Variants in KLHL1 observed in about 807,000 individuals in gnomAD.
The protein encoded by KLHL1 is kelch like family member 1, also known as kelch-like protein 1.
KLHL1 carries 47 observed loss-of-function variants against 77.7 expected under a neutral mutation model. The observed-to-expected ratio is 0.60, with a 90% confidence interval of 0.48 to 0.77. The LOEUF (loss-of-function observed/expected upper bound fraction) is 0.77, where lower values mean the gene tolerates loss of function less well. Among genes scored for constraint, KLHL1 ranks in the 30% least tolerant of loss-of-function variants. The pLI, the probability that KLHL1 is intolerant of heterozygous loss-of-function variation, is 0.00. For synonymous variants in KLHL1, 360 were observed against 325.2 expected (o/e 1.11, Z -1.15); for missense variants, 925 against 910.8 (o/e 1.02, Z -0.20).
At chr13:69,825,730 G>A (rs970740653) in intron 6 of KLHL1, among the ~76,000 whole-genome samples, 3 of 152,114 alleles carry the variant, frequency 2.0e-5, no homozygotes, top group Admixed American at 6.6e-5. Flanking sequence ...GGGCTGAGGT[G>A]ATAAAGTTTC....
intron 4 of KLHL1, among the ~76,000 whole-genome samples, chr13:69,928,109 G>C (rs1265156248): frequency 1.3e-5 from 2 of 152,194 alleles, no homozygotes; most frequent in Non-Finnish European, 2.9e-5. Context: ...TAGAATTTCA[G>C]ACATTAGAAT....
At chr13:69,817,529 T>C (rs1213908970) in intron 6 of KLHL1, among the ~76,000 whole-genome samples, 1 of 152,240 alleles carries the variant, frequency 6.6e-6, no homozygotes, top group Non-Finnish European at 1.5e-5. Flanking sequence ...CCACATTAGG[T>C]GACTTCTATT....
chr13:69,788,640 A>G (rs1876693826), intron 7 of KLHL1, among the ~76,000 whole-genome samples: 1 of 151,288 alleles, frequency 6.6e-6, no homozygotes. Context: ...GTGTACATGT[A>G]CCCTAAAACT....
At chr13:69,855,369 G>GATAC (rs879488731) in intron 5 of KLHL1, among the ~76,000 whole-genome samples, 2,626 of 120,414 alleles carry the variant, frequency 0.022, 56 homozygotes, top group Non-Finnish European at 0.029. Context: ...GATACATAGA[G>GATAC]AGATAGATCT....
chr13:69,970,883 T>C (rs1884363587), intron 2 of KLHL1, among the ~76,000 whole-genome samples: 1 of 152,144 alleles, frequency 6.6e-6, no homozygotes, highest in Non-Finnish European at 1.5e-5. Flanking sequence ...GCTTATGACA[T>C]CATCCTTCAA....
chr13:69,979,699 T>C (rs898546684), intron 1 of KLHL1, among the ~76,000 whole-genome samples: 20 of 152,300 alleles, frequency 1.3e-4, no homozygotes, highest in African/African-American at 4.8e-4. Context: ...CATTTGTCTT[T>C]ATTTTGGCCC....
chr13:70,061,569 C>G (rs1486966757), intron 1 of KLHL1, among the ~76,000 whole-genome samples: 1 of 152,096 alleles, frequency 6.6e-6, no homozygotes, highest in African/African-American at 2.4e-5. Context: ...AGCCTTAAGT[C>G]AGATTTTCTC....
intron 7 of KLHL1, among the ~76,000 whole-genome samples, chr13:69,780,731 T>TATAC (rs1555267679): frequency 5.0e-4 from 38 of 75,298 alleles, no homozygotes; most frequent in Admixed American, 7.7e-4. Context: ...TATATATATA[T>TATAC]ACATATATAT....
intron 1 of KLHL1, among the ~76,000 whole-genome samples, chr13:69,989,212 A>G (rs1405818986): frequency 6.6e-6 from 1 of 152,092 alleles, no homozygotes; most frequent in Admixed American, 6.6e-5. Flanking sequence ...TTTATTGAAT[A>G]GGTAATCCTT....
chr13:69,753,042 T>C (rs1241157591), intron 7 of KLHL1, among the ~76,000 whole-genome samples: 3 of 152,108 alleles, frequency 2.0e-5, no homozygotes, highest in Admixed American at 2.0e-4. Flanking sequence ...GGCTGAACTT[T>C]TCTTGGAAGT....
At chr13:70,098,607 C>T (rs542467461) in intron 1 of KLHL1, among the ~76,000 whole-genome samples, 1 of 151,860 alleles carries the variant, frequency 6.6e-6, no homozygotes, top group South Asian at 2.1e-4. Context: ...AATGGCAGGA[C>T]ATTTAGTAAT....
At chr13:69,749,444 G>A (rs1393157529) in intron 7 of KLHL1, among the ~76,000 whole-genome samples, 1 of 151,660 alleles carries the variant, frequency 6.6e-6, no homozygotes, top group African/African-American at 2.4e-5. Context: ...ACTTTTTCCA[G>A]TACATATAAT....
chr13:70,066,569 T>G (rs1336628939), intron 1 of KLHL1, among the ~76,000 whole-genome samples: 1 of 152,228 alleles, frequency 6.6e-6, no homozygotes, highest in Non-Finnish European at 1.5e-5. Context: ...ACTACCTCCA[T>G]TTTGGCCATG....
chr13:69,701,810 T>C (rs777410768), intron 10 of KLHL1, 49 bp from the exon 11 acceptor site: 3 of 1,262,856 alleles, frequency 2.4e-6, no homozygotes, highest in Non-Finnish European at 3.3e-6. Context: ...CATAGAAAAA[T>C]ATAAAACTTA....
At chr13:70,038,364 T>C (rs1024547914) in intron 1 of KLHL1, among the ~76,000 whole-genome samples, 3 of 152,092 alleles carry the variant, frequency 2.0e-5, no homozygotes, top group Non-Finnish European at 4.4e-5. Flanking sequence ...TTATGAACAA[T>C]GGTGCACAGG....
chr13:69,761,099 A>G (rs1268048004), intron 7 of KLHL1, among the ~76,000 whole-genome samples: 1 of 152,246 alleles, frequency 6.6e-6, no homozygotes, highest in African/African-American at 2.4e-5. Flanking sequence ...ATCTGTTAAA[A>G]GAAAACCTTA....
chr13:69,774,637 T>A (rs1251707070), intron 7 of KLHL1, among the ~76,000 whole-genome samples: 2 of 150,950 alleles, frequency 1.3e-5, no homozygotes, highest in Middle Eastern at 3.2e-3. Flanking sequence ...TTCCTTTATT[T>A]TCCTAATAAA....
intron 6 of KLHL1, among the ~76,000 whole-genome samples, chr13:69,802,388 T>C (rs1233933819): frequency 6.6e-6 from 1 of 152,016 alleles, no homozygotes. Flanking sequence ...ACCCAAGAAC[T>C]CCCACTATTG....
intron 1 of KLHL1, among the ~76,000 whole-genome samples, chr13:70,094,393 T>TTATATATATATATATATATA (rs369471818): frequency 0.022 from 3,060 of 136,330 alleles, 51 homozygotes; most frequent in East Asian, 0.043. Context: ...GCAATCATCT[T>TTATATATATATATATATATA]TATATATATA....
Sources: gnomAD v4.1 joint callset for allele counts (sites outside exome capture counted in the v4.1 genomes callset) on GRCh38, gnomAD v4.1.1 for gene constraint, MANE v1.5 for transcripts, NCBI Gene and HGNC (gene_info 2026-07-23, HGNC 2026-07-21) for gene names.